The following RYR3 variants were observed in gnomAD, a reference collection of about 807,000 sequenced individuals.
The protein encoded by RYR3 is brain ryanodine receptor-calcium release channel.
In RYR3, 207 loss-of-function variants were observed where a neutral mutation model predicts 584.3. That is an observed-to-expected ratio of 0.35 (90% CI 0.32 to 0.40). The LOEUF (loss-of-function observed/expected upper bound fraction) is 0.40. RYR3 is among the 10% of genes least tolerant of loss of function. The pLI is 1.00. For missense variants in RYR3, 5,616 were observed against 6,089.2 expected (o/e 0.92, Z 2.59); for synonymous variants, 2,416 against 2,248.5 (o/e 1.07, Z -2.11).
intron 1 of RYR3, among the ~76,000 whole-genome samples, chr15:33,415,280 T>A (rs975836405): frequency 1.3e-5 from 2 of 152,178 alleles, no homozygotes; most frequent in Non-Finnish European, 2.9e-5. Flanking sequence ...AAAGTTAAAA[T>A]TACATACGTG....
chr15:33,742,120 C>A (rs1265461101), intron 51 of RYR3, among the ~76,000 whole-genome samples: 1 of 152,198 alleles, frequency 6.6e-6, no homozygotes, highest in African/African-American at 2.4e-5. Flanking sequence ...TGGCAGGAGG[C>A]CTTCCCAGCC....
chr15:33,337,852 A>G (rs1438830221), intron 1 of RYR3, among the ~76,000 whole-genome samples: 2 of 151,932 alleles, frequency 1.3e-5, no homozygotes, highest in Non-Finnish European at 2.9e-5. Context: ...CATGCCCATC[A>G]GCAATAGAAT....
At chr15:33,551,863 A>T (rs1055228953) in intron 10 of RYR3, among the ~76,000 whole-genome samples, 4 of 152,162 alleles carry the variant, frequency 2.6e-5, no homozygotes, top group Non-Finnish European at 5.9e-5. Flanking sequence ...TTTCTGAAAG[A>T]TTCAGTGAAA....
chr15:33,323,930 C>T (rs1969349530), intron 1 of RYR3, among the ~76,000 whole-genome samples: 1 of 152,062 alleles, frequency 6.6e-6, no homozygotes, highest in Non-Finnish European at 1.5e-5. Context: ...GTCTGAACTG[C>T]CCAATTAAAT....
intron 19 of RYR3, 86 bp from the exon 20 acceptor site, chr15:33,623,721 G>A: frequency 6.4e-6 from 6 of 935,116 alleles, no homozygotes; most frequent in East Asian, 2.4e-5. Context: ...GAGGGTGGGA[G>A]GTAGGGATTG....
chr15:33,363,295 A>C (rs1975029584), intron 1 of RYR3, among the ~76,000 whole-genome samples: 1 of 152,038 alleles, frequency 6.6e-6, no homozygotes. Context: ...ACTCCAACTA[A>C]AACATCTTGG....
At chr15:33,795,310 C>T (rs1053770791) in intron 67 of RYR3, among the ~76,000 whole-genome samples, 2 of 151,088 alleles carry the variant, frequency 1.3e-5, no homozygotes, top group Admixed American at 6.6e-5. Flanking sequence ...CAGTGGGGGA[C>T]ACATAAGTGC....
intron 27 of RYR3, 122 bp from the exon 28 acceptor site, chr15:33,644,189 G>A (rs922219367): frequency 1.1e-5 from 8 of 699,392 alleles, no homozygotes; most frequent in African/African-American, 1.8e-5. Context: ...AAGAAAGAAC[G>A]GGTTGTGTCA....
chr15:33,318,324 C>T (rs1361711340), intron 1 of RYR3, among the ~76,000 whole-genome samples: 7 of 152,214 alleles, frequency 4.6e-5, no homozygotes, highest in Non-Finnish European at 8.8e-5. Flanking sequence ...CACTGTGACC[C>T]TTGCAGATAC....
Position 33,311,136 on chromosome 15 carries a change from G to C in RYR3, c.51+40G>C, listed in dbSNP as rs771434240. On this transcript the variant is annotated intron_variant, in intron 1 of 103. Coordinates refer to ENST00000634891, the MANE Select transcript of RYR3 (RefSeq NM_001036.6). The surrounding 1 kb of genome is among the most constrained non-coding windows in gnomAD (Gnocchi z 4.4). ...CGGGGGCGAGGCCGTGGGCAGGTGG[G>C]GAGGAGCGCGGAGCGCGGCGAGGAG... The C allele has an allele frequency of 9.5e-6, 14 of 1,480,220 alleles. No homozygotes were observed. The East Asian group carries it at 1.1e-4, about 11-fold the overall frequency. The allele number at this position is 1,480,220 out of a possible 1,614,324, so 91.7% of individuals were successfully genotyped here.
rs1248272807 is a variant in RYR3 at position 33,660,403 on chromosome 15, C to A, written c.4602C>A (p.Leu1534=). ...QCLEPLQMMA[L]HIPEENRCVD... The stretch of plus-strand genomic sequence containing the variant: ...TGGAGCCCCTGCAGATGATGGCGCT[C>A]CACATCCCCGAGGAGAACAGGTACC... The change falls in exon 34 of 104, where the codon CTC becomes CTA. Residue 1534 remains leucine, a synonymous_variant. Coordinates refer to ENST00000634891, the MANE Select transcript of RYR3 (RefSeq NM_001036.6). 7.6e-6 allele frequency: 12 copies of A among 1,569,682 alleles called. No homozygotes were observed. In the South Asian group the frequency reaches 1.2e-4, roughly 15 times the overall value.
intron 57 of RYR3, among the ~76,000 whole-genome samples, chr15:33,751,015 G>A (rs1405728207): frequency 6.6e-6 from 1 of 152,158 alleles, no homozygotes; most frequent in Non-Finnish European, 1.5e-5. Context: ...TTAATTTGCT[G>A]AGAATGATGG....
At chr15:33,449,532 A>T (rs1409331966) in intron 1 of RYR3, among the ~76,000 whole-genome samples, 4 of 152,122 alleles carry the variant, frequency 2.6e-5, no homozygotes, top group African/African-American at 9.7e-5. Context: ...AGGTTTCTAC[A>T]TAACATAGTG....
At chr15:33,725,168 C>G in intron 45 of RYR3, among the ~76,000 whole-genome samples, 1 of 133,438 alleles carries the variant, frequency 7.5e-6, no homozygotes, top group African/African-American at 2.9e-5. Context: ...CACACACACA[C>G]ACACACACAC....
chr15:33,438,254 AT>A (rs1480604791), intron 1 of RYR3, among the ~76,000 whole-genome samples: 2 of 152,144 alleles, frequency 1.3e-5, no homozygotes, highest in East Asian at 3.9e-4. Context: ...CCCAGAACTT[AT>A]TCCCCTTGCC....
Position 33,636,505 on chromosome 15 carries a change from A to C in RYR3, c.3511A>C (p.Asn1171His), listed in dbSNP as rs2061506305. The C allele has an allele frequency of 6.2e-7, 1 of 1,611,544 alleles. No homozygotes were observed. The stretch of plus-strand genomic sequence containing the variant: ...ACTGAATGGGGAGCTGCTGATCACC[A>C]ACAAAGGCTCTGAACTTGCCTTCGC... The part of the protein sequence containing the change: ...FTLNGELLIT[N>H]KGSELAFADY... The change falls in exon 27 of 104, where the codon AAC (asparagine) becomes CAC (histidine). Residue 1171 changes from asparagine (N) to histidine (H), a missense_variant. By Grantham distance (68) the Asn-to-His change is moderately conservative (BLOSUM62 1). Coordinates refer to ENST00000634891, the MANE Select transcript of RYR3 (RefSeq NM_001036.6).
chr15:33,371,237 C>T (rs991639459), intron 1 of RYR3, among the ~76,000 whole-genome samples: 2 of 152,132 alleles, frequency 1.3e-5, no homozygotes, highest in African/African-American at 2.4e-5. Context: ...AAACTGGCAT[C>T]GCAGGGCTTC....
At chr15:33,500,473 C>T (rs1404983233) in intron 2 of RYR3, among the ~76,000 whole-genome samples, 1 of 152,184 alleles carries the variant, frequency 6.6e-6, no homozygotes, top group East Asian at 1.9e-4. Context: ...CTACTGTTTT[C>T]CACATAGTGA....
At chr15:33,803,735 G>A (rs901779158) in intron 69 of RYR3, among the ~76,000 whole-genome samples, 3 of 152,260 alleles carry the variant, frequency 2.0e-5, no homozygotes, top group South Asian at 2.1e-4. Context: ...GGCTGGTCTC[G>A]AACTCCTGAC....
Sources: allele counts gnomAD v4.1 joint callset (sites outside exome capture counted in the v4.1 genomes callset), GRCh38; gene constraint gnomAD v4.1.1; non-coding constraint Gnocchi (gnomAD v3.1); transcripts MANE v1.5; gene names NCBI Gene and HGNC (gene_info 2026-07-23, HGNC 2026-07-21).